The following GMDS variants were observed in gnomAD, a reference collection of about 807,000 sequenced individuals.
The protein encoded by GMDS is GDP-mannose 4,6 dehydratase.
In GMDS, 20 loss-of-function variants were observed where a neutral mutation model predicts 49.9. The observed-to-expected ratio is 0.40, with a 90% CI of 0.28 to 0.58. The LOEUF (loss-of-function observed/expected upper bound fraction) is 0.58. Ranked by LOEUF, GMDS falls within the 20% of genes least tolerant of loss-of-function variation. The pLI is 0.42. For missense variants in GMDS, 362 were observed against 481.4 expected, an observed-to-expected ratio of 0.75 and a Z score of 2.32; for synonymous variants, 177 against 178.6, an observed-to-expected ratio of 0.99 and a Z score of 0.07.
chr6:1,961,091 C>T lies in GMDS; in HGVS notation c.346-125G>A, dbSNP rs1262733916. The T allele has an allele frequency of 1.7e-5, 9 of 515,508 alleles. No homozygotes were observed. The East Asian group carries it at 2.0e-4, about 11-fold the overall frequency. The allele number at this position is 515,508 out of a possible 1,614,324, so 31.9% of individuals were successfully genotyped here. A position where few individuals can be genotyped will look rare whatever the true frequency, so the allele number is the denominator to read the frequency against. On this transcript the variant is annotated intron_variant, in intron 4 of 10. Coordinates refer to ENST00000380815, the MANE Select transcript of GMDS (RefSeq NM_001500.4). Reference sequence around the variant, plus strand: ...TTGGTGAGAAAATATTATTTTCTAACAGCACAATAAGAACGTGGATGTCAT... The same window carrying T: ...TTGGTGAGAAAATATTATTTTCTAATAGCACAATAAGAACGTGGATGTCAT...
intron 7 of GMDS, among the ~76,000 whole-genome samples, chr6:1,785,224 T>C (rs922896230): frequency 1.3e-5 from 2 of 152,232 alleles, no homozygotes; most frequent in Non-Finnish European, 2.9e-5. Context: ...AGGTGGTTAG[T>C]AATTGAAAAA....
intron 7 of GMDS, among the ~76,000 whole-genome samples, chr6:1,862,564 A>G (rs1220325087): frequency 1.1e-4 from 16 of 152,270 alleles, no homozygotes; most frequent in South Asian, 1.0e-3. Context: ...AACTGTTCAT[A>G]AAAGGATTCT....
At chr6:2,148,846 A>G (rs1776703335) in intron 1 of GMDS, among the ~76,000 whole-genome samples, 1 of 152,250 alleles carries the variant, frequency 6.6e-6, no homozygotes, top group African/African-American at 2.4e-5. Context: ...GAGTAAGTCT[A>G]TGGGAGCACC....
Position 1,898,222 on chromosome 6 carries a change from C to T in GMDS, c.771+31881G>A, listed in dbSNP as rs183754846. 7.9e-5 allele frequency among the ~76,000 whole-genome samples: 12 copies of T among 152,354 alleles called. No homozygotes were observed. The East Asian group carries it at 9.6e-4, about 12-fold the overall frequency. ...CTCCACTGGGTGGCAAATCCCACCC[C>T]GGAAGAGACCCTGGAGGCCTTTCCC... On this transcript the variant is annotated intron_variant, in intron 7 of 10. Transcript: ENST00000380815.
chr6:1,656,700 G>C (rs62390654), intron 9 of GMDS, among the ~76,000 whole-genome samples: 2 of 151,792 alleles, frequency 1.3e-5, no homozygotes, highest in African/African-American at 4.8e-5. Context: ...GGAGGTAAAG[G>C]TTGCAGTGAG....
At position 1,624,152 on chromosome 6, in the gene GMDS, G is replaced by C; in HGVS notation, c.*17C>G. 6.2e-7 allele frequency: 1 copy of C among 1,604,454 alleles called. No homozygotes were observed. The highest frequency in any genetic ancestry group is 8.5e-7 in the Non-Finnish European group (1 of 1,178,010). The stretch of plus-strand genomic sequence containing the variant: ...GGGGATTGTAGCCGGAGGGCGGGCC[G>C]GGCTCCGAGGCGCTGCTCAGGCATT... On this transcript the variant is annotated 3_prime_UTR_variant, in exon 11 of 11. Coordinates refer to ENST00000380815, the MANE Select transcript of GMDS (RefSeq NM_001500.4).
At chr6:1,680,557 T>C (rs1764755673) in intron 9 of GMDS, among the ~76,000 whole-genome samples, 1 of 152,190 alleles carries the variant, frequency 6.6e-6, no homozygotes, top group Non-Finnish European at 1.5e-5. Context: ...GAAAGCAGCG[T>C]GGACCTTCTG....
intron 2 of GMDS, among the ~76,000 whole-genome samples, chr6:2,123,032 T>G (rs1775226525): frequency 6.6e-6 from 1 of 152,254 alleles, no homozygotes; most frequent in Admixed American, 6.5e-5. Flanking sequence ...AGGTTCTTGT[T>G]GCATCGATTT....
intron 4 of GMDS, among the ~76,000 whole-genome samples, chr6:2,110,304 C>T (rs555311668): frequency 2.0e-5 from 3 of 148,214 alleles, no homozygotes; most frequent in Non-Finnish European, 4.4e-5. Flanking sequence ...TGGGGGTCAG[C>T]TATTAAGGTA....
intron 7 of GMDS, among the ~76,000 whole-genome samples, chr6:1,802,338 T>A (rs1769984683): frequency 6.6e-6 from 1 of 152,204 alleles, no homozygotes. Context: ...CAGCAATCTG[T>A]GAGACCAAAA....
chr6:1,793,680 G>A (rs960037489), intron 7 of GMDS, among the ~76,000 whole-genome samples: 3 of 152,156 alleles, frequency 2.0e-5, no homozygotes, highest in Non-Finnish European at 2.9e-5. Flanking sequence ...CAAAAGCCAC[G>A]TAGAGGAAAA....
intron 7 of GMDS, among the ~76,000 whole-genome samples, chr6:1,746,599 C>A (rs1295386923): frequency 6.6e-6 from 1 of 152,158 alleles, no homozygotes; most frequent in Non-Finnish European, 1.5e-5. Flanking sequence ...ATAAATATTA[C>A]TTAAATTTGG....
At chr6:1,634,110 C>G (rs1307599414) in intron 9 of GMDS, among the ~76,000 whole-genome samples, 1 of 152,238 alleles carries the variant, frequency 6.6e-6, no homozygotes, top group Non-Finnish European at 1.5e-5. Flanking sequence ...AAATCTGCCA[C>G]TCTTTGATGT....
At chr6:2,217,810 C>CCCAG (rs1780408963) in intron 1 of GMDS, among the ~76,000 whole-genome samples, 1 of 152,166 alleles carries the variant, frequency 6.6e-6, no homozygotes, top group East Asian at 1.9e-4. Flanking sequence ...CCCCAAAGCC[C>CCCAG]TGGATGAACT....
chr6:1,828,985 T>G (rs1469773575), intron 7 of GMDS, among the ~76,000 whole-genome samples: 2 of 152,242 alleles, frequency 1.3e-5, no homozygotes, highest in African/African-American at 4.8e-5. Flanking sequence ...TGTATATGTG[T>G]ACCATATACT....
intron 4 of GMDS, among the ~76,000 whole-genome samples, chr6:2,102,454 A>ATT (rs1773979492): frequency 6.6e-6 from 1 of 152,212 alleles, no homozygotes; most frequent in African/African-American, 2.4e-5. Flanking sequence ...AATCACTTAG[A>ATT]TTTGCCTGCT....
At chr6:1,829,216 A>C (rs1771250452) in intron 7 of GMDS, among the ~76,000 whole-genome samples, 1 of 152,218 alleles carries the variant, frequency 6.6e-6, no homozygotes, top group Admixed American at 6.5e-5. Flanking sequence ...GAACCTGCAC[A>C]GTTCAAACCC....
intron 7 of GMDS, among the ~76,000 whole-genome samples, chr6:1,835,212 T>C (rs1417766663): frequency 6.6e-6 from 1 of 152,136 alleles, no homozygotes; most frequent in East Asian, 1.9e-4. Flanking sequence ...TGAAACTGGC[T>C]GAAGAACACC....
At chr6:1,720,963 G>A (rs1766365742) in intron 9 of GMDS, among the ~76,000 whole-genome samples, 1 of 152,134 alleles carries the variant, frequency 6.6e-6, no homozygotes, top group South Asian at 2.1e-4. Flanking sequence ...CAGGACAAAA[G>A]GCCAGGCTGG....
Sources: allele counts gnomAD v4.1 joint callset (sites outside exome capture counted in the v4.1 genomes callset), GRCh38; gene constraint gnomAD v4.1.1; transcripts MANE v1.5; gene names NCBI Gene and HGNC (gene_info 2026-07-23, HGNC 2026-07-21).